Variants in GRIA4 observed in about 807,000 individuals in gnomAD.
GRIA4 encodes glutamate receptor 4.
Under a neutral mutation model 104.0 loss-of-function variants are expected in GRIA4, and 34 were observed. The ratio of observed to expected loss-of-function variants is 0.33; its 90% CI spans 0.25 to 0.44. The LOEUF (loss-of-function observed/expected upper bound fraction) is 0.44, where lower values mean the gene tolerates loss of function less well. GRIA4 is among the 20% of genes least tolerant of loss of function. The pLI, the probability that GRIA4 is intolerant of heterozygous loss-of-function variation, is 1.00. For missense variants in GRIA4, 750 were observed against 1,096.5 expected, an observed-to-expected ratio of 0.68 and a Z score of 4.46; for synonymous variants, 386 against 381.9, an observed-to-expected ratio of 1.01 and a Z score of -0.13.
chr11:105,705,173 A>T (rs994139522), intron 3 of GRIA4, among the ~76,000 whole-genome samples: 2 of 152,146 alleles, frequency 1.3e-5, no homozygotes, highest in Non-Finnish European at 2.9e-5. Context: ...GCAAAGAGAG[A>T]CTTTTTAATT....
intron 3 of GRIA4, among the ~76,000 whole-genome samples, chr11:105,684,248 T>C (rs1952800631): frequency 6.6e-6 from 1 of 152,126 alleles, no homozygotes; most frequent in African/African-American, 2.4e-5. Context: ...AGTATGATCG[T>C]GTTTCTGTCT....
chr11:105,941,534 C>G (rs1233478596), intron 14 of GRIA4, among the ~76,000 whole-genome samples: 2 of 152,050 alleles, frequency 1.3e-5, no homozygotes, highest in Non-Finnish European at 2.9e-5. Flanking sequence ...TTGAAGTAAA[C>G]TAGATTTTAT....
At chr11:105,748,581 C>T (rs1565514459) in intron 3 of GRIA4, among the ~76,000 whole-genome samples, 1 of 152,052 alleles carries the variant, frequency 6.6e-6, no homozygotes, top group Admixed American at 6.6e-5. Flanking sequence ...GACGGGTTTT[C>T]ACCATGTTGG....
chr11:105,611,552 G>T (rs7950974), intron 2 of GRIA4, among the ~76,000 whole-genome samples: 149,787 of 152,284 alleles, frequency 0.98, 73,705 homozygotes, highest in Non-Finnish European at 1. Context: ...CCACCCGCAC[G>T]CCCTGCCGTT....
chr11:105,937,761 C>T (rs1040054769), intron 14 of GRIA4, among the ~76,000 whole-genome samples: 1 of 151,762 alleles, frequency 6.6e-6, no homozygotes, highest in Admixed American at 6.6e-5. Flanking sequence ...TGTTCTGTCA[C>T]TGAAAAAAAA....
intron 10 of GRIA4, among the ~76,000 whole-genome samples, chr11:105,911,313 T>C (rs1350322420): frequency 6.6e-6 from 1 of 152,062 alleles, no homozygotes; most frequent in Non-Finnish European, 1.5e-5. Context: ...GAATATCTTA[T>C]ATATTTTTCT....
chr11:105,875,720 T>A (rs1178548511), intron 5 of GRIA4, among the ~76,000 whole-genome samples: 1 of 152,222 alleles, frequency 6.6e-6, no homozygotes, highest in Non-Finnish European at 1.5e-5. Context: ...TATAGTATTC[T>A]CTGATGGTAG....
chr11:105,678,444 T>C (rs944800050), intron 3 of GRIA4, among the ~76,000 whole-genome samples: 1 of 152,086 alleles, frequency 6.6e-6, no homozygotes, highest in African/African-American at 2.4e-5. Context: ...AATTCTGTTT[T>C]TAATTGGGGA....
chr11:105,737,667 T>C (rs1353816492), intron 3 of GRIA4, among the ~76,000 whole-genome samples: 1 of 152,108 alleles, frequency 6.6e-6, no homozygotes, highest in Non-Finnish European at 1.5e-5. Context: ...AGTATAAGTA[T>C]TCTTAGAGTG....
At chr11:105,614,405 T>C (rs1050134468) in intron 3 of GRIA4, 4 of 151,884 alleles carry the variant, frequency 2.6e-5, no homozygotes, top group Non-Finnish European at 5.9e-5. Flanking sequence ...GTAATAAAAA[T>C]ATATGTGAAA....
chr11:105,834,593 G>A (rs1944105319), intron 4 of GRIA4, among the ~76,000 whole-genome samples: 2 of 151,916 alleles, frequency 1.3e-5, no homozygotes, highest in African/African-American at 4.8e-5. Context: ...GACAGAAAAG[G>A]TCTTAAGTGA....
Position 105,924,673 on chromosome 11 carries a change from G to A in GRIA4, c.1751G>A (p.Gly584Glu), listed in dbSNP as rs1376915440. ...GAAGAGCCAGAGGACGGAAAGGAAG[G>A]ACCCAGCGACCAGCCTCCCAATGAG... is the stretch of plus-strand genomic sequence containing the variant. ...HTEEPEDGKE[G>E]PSDQPPNEFG... The change falls in exon 12 of 17, where the codon GGA becomes GAA. Residue 584 changes from glycine (G) to glutamate (E), a missense_variant. Gly to Glu is a moderately conservative substitution (Grantham distance 98). This residue lies in a region of GRIA4 where 272 missense variants were observed against 524.5 expected (regional missense o/e 0.52). Coordinates refer to ENST00000282499, the MANE Select transcript of GRIA4 (RefSeq NM_000829.4). The A allele has an allele frequency of 6.2e-7, 1 of 1,612,980 alleles. No individual in the cohort carries two copies. Among genetic ancestry groups the A allele is most frequent in the Middle Eastern group, 1.7e-4 (1 of 6,052 alleles).
intron 2 of GRIA4, among the ~76,000 whole-genome samples, chr11:105,611,456 G>GAA (rs200157578): frequency 3.4e-5 from 5 of 147,804 alleles, no homozygotes; most frequent in African/African-American, 1.2e-4. Flanking sequence ...GTTTAAAAAA[G>GAA]AAAAAAAAAA....
At chr11:105,778,719 C>T (rs1941569601) in intron 4 of GRIA4, among the ~76,000 whole-genome samples, 1 of 152,002 alleles carries the variant, frequency 6.6e-6, no homozygotes, top group Non-Finnish European at 1.5e-5. Context: ...CAAAACAAAA[C>T]ACCAACTAAG....
chr11:105,853,421 TG>T (rs1225688048), intron 4 of GRIA4, among the ~76,000 whole-genome samples: 1 of 152,148 alleles, frequency 6.6e-6, no homozygotes, highest in Non-Finnish European at 1.5e-5. Context: ...CTGAGATATG[TG>T]GGACTCTGGG....
At chr11:105,626,622 AGCATTAC>A (rs999418183) in intron 3 of GRIA4, among the ~76,000 whole-genome samples, 7 of 152,182 alleles carry the variant, frequency 4.6e-5, no homozygotes, top group Non-Finnish European at 1.0e-4. Flanking sequence ...ATTTCATTAA[AGCATTAC>A]CTAGCAATAT....
At chr11:105,969,922 G>C (rs1271673704) in intron 14 of GRIA4, among the ~76,000 whole-genome samples, 1 of 152,112 alleles carries the variant, frequency 6.6e-6, no homozygotes, top group Non-Finnish European at 1.5e-5. Context: ...GCTCTCAAAG[G>C]ATTTGCAGGT....
chr11:105,939,578 T>C (rs1341938498), intron 14 of GRIA4, among the ~76,000 whole-genome samples: 1 of 152,192 alleles, frequency 6.6e-6, no homozygotes, highest in East Asian at 1.9e-4. Context: ...GTTTCTGCTG[T>C]GCATACTATA....
Position 105,710,019 on chromosome 11 carries a change from G to T in GRIA4, c.248-42962G>T, listed in dbSNP as rs1381779841. Reference sequence around the variant, plus strand: ...TAGGGATAATTATCCACTAATTTAAGATTCTCAATTCATCAGTACTGCAAT... The same window carrying T: ...TAGGGATAATTATCCACTAATTTAATATTCTCAATTCATCAGTACTGCAAT... On this transcript the variant is annotated intron_variant, in intron 3 of 16. Transcript: ENST00000282499. 3.3e-5 allele frequency among the ~76,000 whole-genome samples: 5 copies of T among 152,118 alleles called. No homozygotes were observed. In the East Asian group the frequency reaches 9.6e-4, roughly 29 times the overall value.
Sources: allele counts gnomAD v4.1 joint callset (sites outside exome capture counted in the v4.1 genomes callset), GRCh38; gene constraint gnomAD v4.1.1; regional missense constraint gnomAD v4.1.1; transcripts MANE v1.5; gene names NCBI Gene and HGNC (gene_info 2026-07-23, HGNC 2026-07-21).